Variants in AUTS2 observed in about 807,000 individuals in gnomAD.
AUTS2 encodes the protein activator of transcription and developmental regulator AUTS2.
A neutral mutation model predicts 112.4 loss-of-function variants in AUTS2; 17 were observed. That is an observed-to-expected ratio of 0.15 (90% confidence interval 0.10 to 0.23). The LOEUF is 0.23. Among genes scored for constraint, AUTS2 ranks in the 10% least tolerant of loss-of-function variants. AUTS2 has a pLI of 1.00. For synonymous variants in AUTS2, 751 were observed against 702.7 expected (o/e 1.07, Z -1.09); for missense variants, 1,510 against 1,701.6 (o/e 0.89, Z 1.98).
At chr7:70,621,413 T>G (rs1804667792) in intron 5 of AUTS2, among the ~76,000 whole-genome samples, 1 of 152,238 alleles carries the variant, frequency 6.6e-6, no homozygotes, top group East Asian at 1.9e-4. Flanking sequence ...CTGAACCATT[T>G]TTAAATCCTC....
intron 4 of AUTS2, among the ~76,000 whole-genome samples, chr7:70,370,505 G>A (rs1385902325): frequency 1.3e-5 from 2 of 152,130 alleles, no homozygotes; most frequent in African/African-American, 4.8e-5. Flanking sequence ...TGTAGTATAT[G>A]TCAGTACTTC....
At chr7:69,785,241 A>G (rs1008322412) in intron 1 of AUTS2, among the ~76,000 whole-genome samples, 2 of 152,212 alleles carry the variant, frequency 1.3e-5, no homozygotes, top group Admixed American at 1.3e-4. Context: ...TGAAGTTTTG[A>G]GGGTTTTCCA....
intron 4 of AUTS2, among the ~76,000 whole-genome samples, chr7:70,283,431 A>C (rs1004060091): frequency 6.6e-6 from 1 of 152,200 alleles, no homozygotes; most frequent in Admixed American, 6.5e-5. Context: ...ACAAACTGAC[A>C]TGTCAAACTG....
chr7:70,342,852 A>G (rs890720749), intron 4 of AUTS2, among the ~76,000 whole-genome samples: 2 of 152,178 alleles, frequency 1.3e-5, no homozygotes, highest in African/African-American at 4.8e-5. Context: ...GACACAAGGC[A>G]TTCCCTTGGC....
chr7:70,313,661 G>T (rs969198894), intron 4 of AUTS2, among the ~76,000 whole-genome samples: 2 of 152,164 alleles, frequency 1.3e-5, no homozygotes, highest in African/African-American at 4.8e-5. Flanking sequence ...CTCGTTGCTG[G>T]TTAGTACTTG....
chr7:70,511,346 TG>T lies in AUTS2; in HGVS notation c.690+75566del, dbSNP rs1799178028. The stretch of plus-strand genomic sequence containing the variant: ...ATTTCCAAATGCGGAAACTGGATTG[TG>T]TCATCCAGTGAGAGAAACTGTTACT... On this transcript the variant is annotated intron_variant, in intron 5 of 18. Transcript: ENST00000342771. Among the ~76,000 whole-genome samples the T allele has an allele frequency of 2.6e-5, 4 of 151,852 alleles. No individual in the cohort carries two copies. The South Asian group carries it at 8.3e-4, about 32-fold the overall frequency.
At chr7:70,139,303 C>A (rs1280766701) in intron 4 of AUTS2, among the ~76,000 whole-genome samples, 2 of 152,168 alleles carry the variant, frequency 1.3e-5, no homozygotes, top group Non-Finnish European at 2.9e-5. Flanking sequence ...TTCTGTCTAA[C>A]CATAGTTGCT....
intron 4 of AUTS2, among the ~76,000 whole-genome samples, chr7:70,185,771 T>C (rs1180713608): frequency 1.3e-5 from 2 of 152,014 alleles, no homozygotes; most frequent in Non-Finnish European, 2.9e-5. Context: ...GCAATAGGAG[T>C]TGGTGTATAT....
intron 2 of AUTS2, among the ~76,000 whole-genome samples, chr7:69,932,373 A>G (rs114631331): frequency 7.7e-4 from 117 of 152,306 alleles, no homozygotes; most frequent in African/African-American, 2.7e-3. Flanking sequence ...CTTATTGAAG[A>G]TGGAAGTCAT....
chr7:69,899,907 T>G (rs1794905267), intron 2 of AUTS2, among the ~76,000 whole-genome samples: 1 of 152,216 alleles, frequency 6.6e-6, no homozygotes, highest in Non-Finnish European at 1.5e-5. Flanking sequence ...ATTGCCTGTG[T>G]GTGAGAAATG....
chr7:70,220,194 A>G (rs1184507361), intron 4 of AUTS2, among the ~76,000 whole-genome samples: 1 of 152,208 alleles, frequency 6.6e-6, no homozygotes, highest in Non-Finnish European at 1.5e-5. Flanking sequence ...TGGACACAAA[A>G]ATTTGATTTT....
At chr7:70,192,160 T>C (rs1384007412) in intron 4 of AUTS2, among the ~76,000 whole-genome samples, 1 of 152,162 alleles carries the variant, frequency 6.6e-6, no homozygotes, top group African/African-American at 2.4e-5. Context: ...CTTGAGAAGA[T>C]TCACTGGAAT....
Position 70,557,536 on chromosome 7 carries a change from T to C in AUTS2, c.690+121755T>C, listed in dbSNP as rs191364585. The stretch of plus-strand genomic sequence containing the variant: ...AATCGAACATGTGCTCCATTAAAAA[T>C]TAAAGCATCCTGTTTTAAGGATGGA... On this transcript the variant is annotated intron_variant, in intron 5 of 18. Transcript: ENST00000342771. Among the ~76,000 whole-genome samples, 21 of 152,330 alleles carry C rather than the reference T, an allele frequency of 1.4e-4. No homozygotes were observed. The East Asian group carries it at 4.1e-3, about 29-fold the overall frequency.
chr7:70,339,105 C>T (rs1245962494), intron 4 of AUTS2, among the ~76,000 whole-genome samples: 10 of 152,018 alleles, frequency 6.6e-5, no homozygotes, highest in African/African-American at 7.2e-5. Flanking sequence ...CCTCGTGATC[C>T]GCCCGCCTCA....
chr7:70,573,522 C>T (rs1000193386), intron 5 of AUTS2, among the ~76,000 whole-genome samples: 21 of 152,176 alleles, frequency 1.4e-4, no homozygotes, highest in African/African-American at 3.1e-4. Context: ...GACTTTCACA[C>T]GCTTAATTTA....
At chr7:70,471,353 G>A (rs982124656) in intron 5 of AUTS2, among the ~76,000 whole-genome samples, 2 of 152,002 alleles carry the variant, frequency 1.3e-5, no homozygotes, top group Admixed American at 6.6e-5. Flanking sequence ...GAAGGAGGGG[G>A]AAATATGGCT....
intron 1 of AUTS2, among the ~76,000 whole-genome samples, chr7:69,610,965 CA>C (rs1276536926): frequency 1.3e-5 from 2 of 152,162 alleles, no homozygotes; most frequent in Non-Finnish European, 2.9e-5. Flanking sequence ...ATGCTTTAAT[CA>C]AAACATCTAA....
intron 4 of AUTS2, among the ~76,000 whole-genome samples, chr7:70,434,128 G>A (rs575740196): frequency 1.6e-4 from 25 of 152,148 alleles, no homozygotes; most frequent in Non-Finnish European, 2.2e-4. Flanking sequence ...AAGGCAGGTG[G>A]TTCCTTCTTT....
chr7:69,622,564 A>C (rs1400020450), intron 1 of AUTS2, among the ~76,000 whole-genome samples: 2 of 152,326 alleles, frequency 1.3e-5, no homozygotes, highest in East Asian at 1.9e-4. Flanking sequence ...GATAATGAAA[A>C]TAGGGAAAGG....
Sources: allele counts gnomAD v4.1 joint callset (sites outside exome capture counted in the v4.1 genomes callset), GRCh38; gene constraint gnomAD v4.1.1; transcripts MANE v1.5; gene names NCBI Gene and HGNC (gene_info 2026-07-23, HGNC 2026-07-21).